Variants in KSR2 observed in about 807,000 individuals in gnomAD.
The protein encoded by KSR2 is kinase suppressor of ras 2.
Under a neutral mutation model 107.8 loss-of-function variants are expected in KSR2, and 25 were observed. That is an observed-to-expected ratio of 0.23 (90% CI 0.17 to 0.32). KSR2 has a LOEUF of 0.32. KSR2 is among the 10% of genes least tolerant of loss of function. KSR2 has a pLI of 1.00. For missense variants in KSR2, 887 were observed against 1,268.9 expected (o/e 0.70, Z 4.57); for synonymous variants, 480 against 507.0 (o/e 0.95, Z 0.71).
intron 4 of KSR2, among the ~76,000 whole-genome samples, chr12:117,670,701 C>T (rs1166171841): frequency 6.6e-6 from 1 of 152,152 alleles, no homozygotes; most frequent in Non-Finnish European, 1.5e-5. Context: ...CCTTTGCCCC[C>T]CTGTGTCTAG....
chr12:117,482,239 A>C (rs1293960686), intron 16 of KSR2, among the ~76,000 whole-genome samples: 1 of 152,020 alleles, frequency 6.6e-6, no homozygotes, highest in African/African-American at 2.4e-5. Context: ...TGTTTCAGCC[A>C]GCCCAGCCCA....
intron 3 of KSR2, among the ~76,000 whole-genome samples, chr12:117,825,757 G>T (rs1049899255): frequency 5.3e-5 from 8 of 152,106 alleles, no homozygotes; most frequent in African/African-American, 1.9e-4. Context: ...TCAGCAGAGT[G>T]CCTGGGATAT....
chr12:117,820,146 A>G (rs1593268759), intron 3 of KSR2, among the ~76,000 whole-genome samples: 1 of 152,254 alleles, frequency 6.6e-6, no homozygotes, highest in Admixed American at 6.5e-5. Flanking sequence ...CTTTAAAACA[A>G]TAACTAGAAG....
intron 1 of KSR2, among the ~76,000 whole-genome samples, chr12:117,937,873 G>A (rs1038485154): frequency 6.6e-6 from 1 of 151,366 alleles, no homozygotes; most frequent in Non-Finnish European, 1.5e-5. Context: ...GGGAGGCTGA[G>A]GCAGGAGAAT....
intron 3 of KSR2, among the ~76,000 whole-genome samples, chr12:117,822,064 T>C (rs1236109339): frequency 6.6e-6 from 1 of 152,154 alleles, no homozygotes; most frequent in Non-Finnish European, 1.5e-5. Context: ...CCTCTGGTCG[T>C]CCTCACTGCT....
At chr12:117,938,148 C>T (rs1279220052) in intron 1 of KSR2, among the ~76,000 whole-genome samples, 2 of 152,088 alleles carry the variant, frequency 1.3e-5, no homozygotes, top group Non-Finnish European at 1.5e-5. Flanking sequence ...TTCAGGTCTT[C>T]GCTTTAGCAT....
intron 5 of KSR2, among the ~76,000 whole-genome samples, chr12:117,663,183 T>C (rs1884512287): frequency 6.6e-6 from 1 of 152,170 alleles, no homozygotes; most frequent in Non-Finnish European, 1.5e-5. Context: ...CCCTACCTAA[T>C]GAGCAAGCAA....
At chr12:117,918,189 C>T (rs1319494889) in intron 1 of KSR2, among the ~76,000 whole-genome samples, 1 of 152,232 alleles carries the variant, frequency 6.6e-6, no homozygotes, top group African/African-American at 2.4e-5. Flanking sequence ...TTTGAGGGGA[C>T]ACAGCTTCAT....
At chr12:117,772,510 CAA>C (rs1204032793) in intron 3 of KSR2, among the ~76,000 whole-genome samples, 1 of 148,140 alleles carries the variant, frequency 6.8e-6, no homozygotes, top group Non-Finnish European at 1.5e-5. Flanking sequence ...ATCATTCCCC[CAA>C]AGACGCACAC....
At position 117,860,392 on chromosome 12, in the gene KSR2, T is replaced by G. The variant is rs1270922112; in HGVS notation, c.220A>C (p.Lys74Gln). ...VKYFSRQLSC[K>Q]KKVALQERNA... ...CGCTCCTGCAAGGCTACCTTCTTTTTGCAGGACAGCTGCCGGCTGAAGTAC... is the reference window on the plus strand; with the variant it reads ...CGCTCCTGCAAGGCTACCTTCTTTTGGCAGGACAGCTGCCGGCTGAAGTAC... The change falls in exon 2 of 20, where the codon AAA becomes CAA. Residue 74 changes from lysine (K) to glutamine (Q), a missense_variant. Physicochemically the swap from Lys to Gln is moderately conservative, Grantham distance 53. Transcript: ENST00000339824. The G allele has an allele frequency of 6.2e-7, 1 of 1,612,752 alleles. No homozygotes were observed.
At position 117,780,397 on chromosome 12, in the gene KSR2, T is replaced by C. The variant is rs185415129; in HGVS notation, c.473-18873A>G. Among the ~76,000 whole-genome samples the C allele has an allele frequency of 4.1e-4, 63 of 152,358 alleles. 1 individual carries two copies. Among genetic ancestry groups the C allele is most frequent in the Admixed American group, 3.7e-3 (57 of 15,304 alleles). ...TCAACCTTAAAAAGTAAGGAAGTTCTGATACATGTTACAACATGGATTAAC... is the reference window on the plus strand; with the variant it reads ...TCAACCTTAAAAAGTAAGGAAGTTCCGATACATGTTACAACATGGATTAAC... On this transcript the variant is annotated intron_variant, in intron 3 of 19. Transcript: ENST00000339824.
intron 5 of KSR2, among the ~76,000 whole-genome samples, chr12:117,653,724 CA>C: frequency 6.6e-6 from 1 of 152,302 alleles, no homozygotes; most frequent in Non-Finnish European, 1.5e-5. Context: ...CCTCCTACAA[CA>C]AAAAAGAGGC....
intron 4 of KSR2, 21 bp downstream of exon 4, chr12:117,760,990 G>A: frequency 2.5e-6 from 4 of 1,612,318 alleles, no homozygotes; most frequent in Non-Finnish European, 2.5e-6. Flanking sequence ...CCGCCCCAGG[G>A]CACCCACCGA....
At chr12:117,582,255 A>C (rs1406617351) in intron 6 of KSR2, 35 bp downstream of exon 6, 4 of 1,585,874 alleles carry the variant, frequency 2.5e-6, no homozygotes, top group Non-Finnish European at 3.5e-6. Flanking sequence ...CAGAGCTGAG[A>C]AGTAGGCACC....
chr12:117,678,849 G>T (rs1285759367), intron 4 of KSR2, among the ~76,000 whole-genome samples: 1 of 152,140 alleles, frequency 6.6e-6, no homozygotes, highest in Non-Finnish European at 1.5e-5. Flanking sequence ...TCTTGGACAA[G>T]TCACTTCTCC....
intron 7 of KSR2, among the ~76,000 whole-genome samples, chr12:117,569,877 G>A (rs1284477363): frequency 6.6e-6 from 1 of 152,150 alleles, no homozygotes; most frequent in Non-Finnish European, 1.5e-5. Context: ...CCAAGCACAG[G>A]TCAAGCAACT....
intron 5 of KSR2, among the ~76,000 whole-genome samples, chr12:117,646,948 C>T (rs1012600231): frequency 4.0e-5 from 6 of 151,524 alleles, no homozygotes; most frequent in South Asian, 4.2e-4. Flanking sequence ...TTACAGCCAG[C>T]GGGGAGAGGA....
chr12:117,639,425 G>A (rs556047315), intron 5 of KSR2, among the ~76,000 whole-genome samples: 2 of 151,218 alleles, frequency 1.3e-5, no homozygotes, highest in East Asian at 3.9e-4. Flanking sequence ...CGTCTCCCAG[G>A]TTCAAGCAAT....
chr12:117,940,674 G>T (rs186625730), intron 1 of KSR2, among the ~76,000 whole-genome samples: 1 of 152,308 alleles, frequency 6.6e-6, no homozygotes, highest in East Asian at 1.9e-4. Context: ...TTGTTTGTTG[G>T]TTTTTAAGGA....
Sources: gnomAD v4.1 joint callset for allele counts (sites outside exome capture counted in the v4.1 genomes callset) on GRCh38, gnomAD v4.1.1 for gene constraint, MANE v1.5 for transcripts, NCBI Gene and HGNC (gene_info 2026-07-23, HGNC 2026-07-21) for gene names.